JAK2: variants seen among roughly 807,000 people sequenced by gnomAD.
JAK2 encodes the protein tyrosine-protein kinase JAK2.
Under a neutral mutation model 139.3 loss-of-function variants are expected in JAK2, and 86 were observed. The ratio of observed to expected loss-of-function variants is 0.62; its 90% CI spans 0.52 to 0.74. The LOEUF is 0.74. Ranked by LOEUF, JAK2 falls within the 30% of genes least tolerant of loss-of-function variation. JAK2 has a pLI of 0.00. For synonymous variants in JAK2, 490 were observed against 437.7 expected, an observed-to-expected ratio of 1.12 and a Z score of -1.49; for missense variants, 1,421 against 1,360.3, an observed-to-expected ratio of 1.04 and a Z score of -0.70.
chr9:5,061,504 G>C (rs576605516), intron 8 of JAK2, among the ~76,000 whole-genome samples: 26 of 152,272 alleles, frequency 1.7e-4, no homozygotes, highest in African/African-American at 6.0e-4. Context: ...TAAACCTCAT[G>C]AACCAACCTC....
intron 2 of JAK2, among the ~76,000 whole-genome samples, chr9:5,020,524 G>A (rs1822348390): frequency 6.6e-6 from 1 of 152,136 alleles, no homozygotes; most frequent in African/African-American, 2.4e-5. Context: ...TGCTGGGGAG[G>A]GTGCAGTTGC....
At chr9:5,015,604 A>G (rs1463989202) in intron 2 of JAK2, among the ~76,000 whole-genome samples, 1 of 151,710 alleles carries the variant, frequency 6.6e-6, no homozygotes, top group Non-Finnish European at 1.5e-5. Flanking sequence ...GCATGAGCAC[A>G]ATCACTGCTC....
rs189226922 is a variant in JAK2, at chr9:5,091,094, T to C, written c.3059+183T>C. 1,079 of 473,926 alleles carry C rather than the reference T, an allele frequency of 2.3e-3. 15 individuals carry two copies. Among genetic ancestry groups the C allele is most frequent in the Non-Finnish European group, 3.3e-4 (89 of 270,350 alleles). The allele number at this position is 473,926 out of a possible 1,614,324, so 29.4% of individuals were successfully genotyped here. On this transcript the variant is annotated intron_variant, in intron 22 of 24. Transcript: ENST00000381652. Reference sequence around the variant, plus strand: ...CATGGTTATAGTCCACGTGGGAAAATGGCATATGCTTTATTTCTATTAAGT... The same window carrying C: ...CATGGTTATAGTCCACGTGGGAAAACGGCATATGCTTTATTTCTATTAAGT...
chr9:5,068,917 A>C (rs759604329), intron 10 of JAK2, 105 bp from the exon 11 acceptor site: 25 of 661,802 alleles, frequency 3.8e-5, no homozygotes, highest in Non-Finnish European at 5.2e-5. Context: ...TCATGGTTCA[A>C]ATGTTTATTC....
At chr9:4,996,908 T>C (rs973019128) in intron 2 of JAK2, among the ~76,000 whole-genome samples, 1 of 151,532 alleles carries the variant, frequency 6.6e-6, no homozygotes, top group Non-Finnish European at 1.5e-5. Context: ...TCTCTCCTTT[T>C]ACTCTTCTGT....
At chr9:4,998,750 AAAC>A (rs1449881694) in intron 2 of JAK2, among the ~76,000 whole-genome samples, 1 of 152,016 alleles carries the variant, frequency 6.6e-6, no homozygotes, top group Non-Finnish European at 1.5e-5. Flanking sequence ...ACAAAAAAAA[AAAC>A]AACAAAAAAC....
intron 14 of JAK2, among the ~76,000 whole-genome samples, chr9:5,076,140 G>A (rs926554738): frequency 2.0e-5 from 3 of 152,164 alleles, no homozygotes; most frequent in African/African-American, 4.8e-5. Flanking sequence ...AGAGAAAGTG[G>A]TTTCTTAAGA....
At chr9:5,074,528 G>A (rs532362736) in intron 14 of JAK2, among the ~76,000 whole-genome samples, 1 of 152,048 alleles carries the variant, frequency 6.6e-6, no homozygotes, top group African/African-American at 2.4e-5. Context: ...AATTATTCTG[G>A]GGTGTCCCAA....
Position 5,019,314 on chromosome 9 carries a change from C to T in JAK2, c.-25-2649C>T, listed in dbSNP as rs541580591. On this transcript the variant is annotated intron_variant, in intron 2 of 24. Coordinates refer to ENST00000381652, the MANE Select transcript of JAK2 (RefSeq NM_004972.4). Reference sequence around the variant, plus strand: ...TCTTCAAGTTCAGAAATTCTTTCTTCGTAGATGCTCTAGAATGTATTTTTT... The same window carrying T: ...TCTTCAAGTTCAGAAATTCTTTCTTTGTAGATGCTCTAGAATGTATTTTTT... Among the ~76,000 whole-genome samples the T allele has an allele frequency of 1.9e-4, 29 of 152,150 alleles. No individual in the cohort carries two copies. In the South Asian group the frequency reaches 2.7e-3, roughly 14 times the overall value.
At chr9:5,073,529 T>C (rs553549156) in intron 13 of JAK2, among the ~76,000 whole-genome samples, 169 bp from the exon 14 acceptor site, 121 of 152,316 alleles carry the variant, frequency 7.9e-4, no homozygotes, top group African/African-American at 2.8e-3. Context: ...CCTCAGAACG[T>C]TGATGGCAGT....
In JAK2 at chr9:5,077,635, T is replaced by C. The variant is rs973355020; in HGVS notation, c.1992+55T>C. On this transcript the variant is annotated intron_variant, in intron 15 of 24. Transcript: ENST00000381652. ...TACTATTTTATTTTATAAAACAATA[T>C]ACAAATTATCTTTACCTGGAAACAA... The C allele has an allele frequency of 1.8e-5, 20 of 1,142,214 alleles. No individual in the cohort carries two copies. In the Admixed American group the frequency reaches 3.9e-4, roughly 22 times the overall value. The allele number at this position is 1,142,214 out of a possible 1,614,324, so 70.8% of individuals were successfully genotyped here. A position where few individuals can be genotyped will look rare whatever the true frequency, so the allele number is the denominator to read the frequency against.
chr9:5,093,086 AT>A (rs1820710810), intron 22 of JAK2, among the ~76,000 whole-genome samples: 1 of 152,324 alleles, frequency 6.6e-6, no homozygotes, highest in African/African-American at 2.4e-5. Context: ...AGAAGCAATA[AT>A]GTTAATATAA....
rs1817644153 is a variant in JAK2 at position 5,054,743 on chromosome 9, C to G, written c.795C>G (p.Phe265Leu). Residue 265 changes from phenylalanine to leucine, a missense_variant, in exon 7 of 25, where the codon TTC (phenylalanine) becomes TTG (leucine). Coordinates refer to ENST00000381652, the MANE Select transcript of JAK2 (RefSeq NM_004972.4). The surrounding 1 kb of genome is among the most constrained non-coding windows in gnomAD (Gnocchi z 4.9). ...LINLETLQSAFYTEKFEVKEP... is the reference protein window; with the variant it reads ...LINLETLQSALYTEKFEVKEP... ...ATCTGGAAACTCTGCAGTCTGCCTT[C>G]TACACAGAGAAATTTGAAGTAAAAG... The G allele has an allele frequency of 6.2e-7, 1 of 1,613,300 alleles. No individual in the cohort carries two copies. Among genetic ancestry groups the G allele is most frequent in the African/African-American group, 1.3e-5 (1 of 74,984 alleles).
rs912138902 is a variant in JAK2, at chr9:5,111,400, C to T, written c.3060-11604C>T. 12 of 402,490 alleles carry T rather than the reference C, an allele frequency of 3.0e-5. No individual in the cohort carries two copies. The East Asian group carries it at 3.1e-4, about 10-fold the overall frequency. The allele number at this position is 402,490 out of a possible 1,614,324, so 24.9% of individuals were successfully genotyped here. ...AGCTCTGGCGGACAGAGGCGGACAG[C>T]GGCCTGGACACGCAGCCCACGAAGG... On this transcript the variant is annotated intron_variant, in intron 22 of 24. Coordinates refer to ENST00000381652, the MANE Select transcript of JAK2 (RefSeq NM_004972.4).
At chr9:5,072,349 G>A in intron 12 of JAK2, 143 bp from the exon 13 acceptor site, 1 of 509,544 alleles carries the variant, frequency 2.0e-6, no homozygotes, top group South Asian at 4.1e-5. Flanking sequence ...GCATTAATTT[G>A]GAGTCTTAAA....
At chr9:5,090,697 A>G in intron 21 of JAK2, 42 bp from the exon 22 acceptor site, 5 of 1,551,390 alleles carry the variant, frequency 3.2e-6, no homozygotes, top group Non-Finnish European at 4.3e-6. Flanking sequence ...TAAATTGTTT[A>G]TATTTATAAA....
intron 2 of JAK2, among the ~76,000 whole-genome samples, chr9:5,017,755 A>C (rs1157669110): frequency 2.0e-5 from 3 of 152,210 alleles, no homozygotes; most frequent in Non-Finnish European, 1.5e-5. Context: ...TTGCAGATGA[A>C]CTTCAAAAAT....
At chr9:4,996,255 C>G (rs1225248951) in intron 2 of JAK2, among the ~76,000 whole-genome samples, 1 of 152,098 alleles carries the variant, frequency 6.6e-6, no homozygotes, top group Non-Finnish European at 1.5e-5. Flanking sequence ...TCACCACCAG[C>G]CTGACTAACA....
chr9:5,080,612 T>C lies in JAK2; in HGVS notation c.2363T>C (p.Met788Thr), dbSNP rs1819618995. The part of the protein sequence containing the change: ...AELANLINNC[M>T]DYEPDFRPSF... The stretch of plus-strand genomic sequence containing the variant: ...TTAGCAAACCTTATAAATAATTGTA[T>C]GGATTATGAACCAGATTTCAGGCCT... The change falls in exon 18 of 25, where the codon ATG (methionine) becomes ACG (threonine). Residue 788 changes from methionine to threonine, a missense_variant. By Grantham distance (81) the Met-to-Thr change is moderately conservative. Transcript: ENST00000381652. 2 of 1,609,184 alleles carry C rather than the reference T, an allele frequency of 1.2e-6. No individual in the cohort carries two copies. Among genetic ancestry groups the C allele is most frequent in the Admixed American group, 1.7e-5 (1 of 59,210 alleles).
Sources: gnomAD v4.1 joint callset for allele counts (sites outside exome capture counted in the v4.1 genomes callset) on GRCh38, gnomAD v4.1.1 for gene constraint, Gnocchi (gnomAD v3.1) non-coding constraint, MANE v1.5 for transcripts, NCBI Gene and HGNC (gene_info 2026-07-23, HGNC 2026-07-21) for gene names.